The following KCND2 variants were observed in gnomAD, a reference collection of about 807,000 sequenced individuals.
KCND2 encodes A-type voltage-gated potassium channel KCND2.
KCND2 carries 16 observed loss-of-function variants against 54.4 expected under a neutral mutation model. That is an observed-to-expected ratio of 0.29 (90% CI 0.20 to 0.45). The LOEUF is 0.45. Ranked by LOEUF, KCND2 falls within the 20% of genes least tolerant of loss-of-function variation. KCND2 has a pLI of 1.00. For synonymous variants in KCND2, 317 were observed against 310.7 expected, an observed-to-expected ratio of 1.02 and a Z score of -0.21; for missense variants, 486 against 824.2, an observed-to-expected ratio of 0.59 and a Z score of 5.02.
chr7:120,333,904 C>A (rs1287926791), intron 1 of KCND2, among the ~76,000 whole-genome samples: 1 of 151,992 alleles, frequency 6.6e-6, no homozygotes, highest in African/African-American at 2.4e-5. Context: ...TAGATCTTAA[C>A]AATATGTGAC....
chr7:120,557,780 G>T (rs890678733), intron 1 of KCND2, among the ~76,000 whole-genome samples: 22 of 152,124 alleles, frequency 1.4e-4, no homozygotes, highest in African/African-American at 4.8e-4. Context: ...TCATGGAATG[G>T]TAACACTTAA....
chr7:120,642,569 T>A lies in KCND2; in HGVS notation c.1116-90334T>A, dbSNP rs199965991. Among the ~76,000 whole-genome samples, 11 of 65,404 alleles carry A rather than the reference T, an allele frequency of 1.7e-4. No homozygotes were observed. In the East Asian group the frequency reaches 4.3e-3, roughly 25 times the overall value. 42.9% of individuals were successfully genotyped at this position (65,404 alleles called of 152,430 possible). A position where few individuals can be genotyped will look rare whatever the true frequency, so the allele number is the denominator to read the frequency against. Reference sequence around the variant, plus strand: ...AATTCGTCTCAATAAAAATAAAAAATAAAAAAAAATATATATATATATGTA... The same window carrying A: ...AATTCGTCTCAATAAAAATAAAAAAAAAAAAAAAATATATATATATATGTA... On this transcript the variant is annotated intron_variant, in intron 1 of 5. Coordinates refer to ENST00000331113, the MANE Select transcript of KCND2 (RefSeq NM_012281.3).
intron 1 of KCND2, among the ~76,000 whole-genome samples, chr7:120,325,515 T>C (rs1403139177): frequency 1.3e-5 from 2 of 151,466 alleles, no homozygotes; most frequent in African/African-American, 4.8e-5. Context: ...CATGAAGAGT[T>C]GTTGAATTTT....
At chr7:120,492,257 A>G (rs2116302189) in intron 1 of KCND2, among the ~76,000 whole-genome samples, 1 of 152,268 alleles carries the variant, frequency 6.6e-6, no homozygotes, top group East Asian at 1.9e-4. Context: ...TTATTTAGAA[A>G]GAAAGTCTTA....
chr7:120,511,804 T>C (rs1803120195), intron 1 of KCND2, among the ~76,000 whole-genome samples: 1 of 152,158 alleles, frequency 6.6e-6, no homozygotes. Context: ...TTTAGAGTTA[T>C]ATAGAAATAT....
chr7:120,620,776 A>G (rs910790840), intron 1 of KCND2, among the ~76,000 whole-genome samples: 2 of 152,226 alleles, frequency 1.3e-5, no homozygotes, highest in African/African-American at 2.4e-5. Flanking sequence ...TCAACTTTGT[A>G]TATGCTACTT....
chr7:120,310,235 C>T (rs1016329423), intron 1 of KCND2, among the ~76,000 whole-genome samples: 14 of 152,044 alleles, frequency 9.2e-5, no homozygotes, highest in African/African-American at 3.1e-4. Context: ...GATAAATGTT[C>T]TATTAAAAAC....
chr7:120,397,653 C>T (rs1801173844), intron 1 of KCND2, among the ~76,000 whole-genome samples: 1 of 151,772 alleles, frequency 6.6e-6, no homozygotes, highest in South Asian at 2.1e-4. Context: ...TAAAAAGCGA[C>T]AGGAAGTGTA....
At chr7:120,315,111 G>A (rs1206441312) in intron 1 of KCND2, among the ~76,000 whole-genome samples, 4 of 151,574 alleles carry the variant, frequency 2.6e-5, no homozygotes, top group Admixed American at 2.0e-4. Context: ...CTTTGTAAAG[G>A]GAAAAAAAAG....
At chr7:120,424,856 G>A (rs1371413646) in intron 1 of KCND2, among the ~76,000 whole-genome samples, 1 of 152,194 alleles carries the variant, frequency 6.6e-6, no homozygotes, top group Non-Finnish European at 1.5e-5. Context: ...ATTAGTAAGA[G>A]ACATTTTTGT....
intron 1 of KCND2, among the ~76,000 whole-genome samples, chr7:120,304,364 T>G (rs779795756): frequency 9.2e-5 from 14 of 152,192 alleles, no homozygotes; most frequent in Non-Finnish European, 1.9e-4. Context: ...TGAGACAATT[T>G]TCTTAACAAT....
At chr7:120,680,558 A>G (rs1792126520) in intron 1 of KCND2, among the ~76,000 whole-genome samples, 1 of 152,120 alleles carries the variant, frequency 6.6e-6, no homozygotes, top group Admixed American at 6.6e-5. Context: ...CTTTGATCAG[A>G]TGTCATGTTA....
At chr7:120,732,089 A>G (rs567409039) in intron 1 of KCND2, among the ~76,000 whole-genome samples, 9 of 152,258 alleles carry the variant, frequency 5.9e-5, no homozygotes, top group African/African-American at 1.9e-4. Context: ...ATAAATCAAG[A>G]GCATCAGCTG....
At chr7:120,467,340 A>G (rs765786850) in intron 1 of KCND2, among the ~76,000 whole-genome samples, 2 of 152,134 alleles carry the variant, frequency 1.3e-5, no homozygotes, top group Non-Finnish European at 2.9e-5. Context: ...GATTCTCAAG[A>G]CTAAACTAGA....
chr7:120,608,552 T>G (rs1792912358), intron 1 of KCND2, among the ~76,000 whole-genome samples: 1 of 152,168 alleles, frequency 6.6e-6, no homozygotes, highest in Non-Finnish European at 1.5e-5. Flanking sequence ...ACCTTTTGTT[T>G]CCAGAAGAAC....
At chr7:120,344,339 G>T (rs1222372771) in intron 1 of KCND2, among the ~76,000 whole-genome samples, 2 of 152,172 alleles carry the variant, frequency 1.3e-5, no homozygotes, top group Admixed American at 6.5e-5. Context: ...AGTAATGAGA[G>T]CACAGCTGCT....
chr7:120,719,564 T>C (rs1263178251), intron 1 of KCND2, among the ~76,000 whole-genome samples: 1 of 152,158 alleles, frequency 6.6e-6, no homozygotes, highest in African/African-American at 2.4e-5. Context: ...GCCAAAACCT[T>C]CATCTGCAAT....
intron 1 of KCND2, among the ~76,000 whole-genome samples, chr7:120,333,565 A>G (rs540806245): frequency 3.7e-4 from 57 of 152,260 alleles, no homozygotes; most frequent in African/African-American, 1.2e-3. Context: ...CTGTAATGAC[A>G]CAGTTCAAAG....
At chr7:120,522,479 C>A (rs1791711336) in intron 1 of KCND2, among the ~76,000 whole-genome samples, 2 of 152,126 alleles carry the variant, frequency 1.3e-5, no homozygotes, top group Admixed American at 1.3e-4. Flanking sequence ...TGTAAAGTGG[C>A]CTTTGGAAGA....
Sources: allele counts gnomAD v4.1 joint callset (sites outside exome capture counted in the v4.1 genomes callset), GRCh38; gene constraint gnomAD v4.1.1; transcripts MANE v1.5; gene names NCBI Gene and HGNC (gene_info 2026-07-23, HGNC 2026-07-21).